Variants in UBN2 observed in about 807,000 individuals in gnomAD.
The protein encoded by UBN2 is ubinuclein 2, also known as ubinuclein-2.
A neutral mutation model predicts 120.2 loss-of-function variants in UBN2; 35 were observed. The observed-to-expected ratio is 0.29, with a 90% CI of 0.22 to 0.39. The LOEUF is 0.39. Ranked by LOEUF, UBN2 falls within the 10% of genes least tolerant of loss-of-function variation. The pLI is 1.00. For synonymous variants in UBN2, 661 were observed against 648.7 expected, an observed-to-expected ratio of 1.02 and a Z score of -0.29; for missense variants, 1,693 against 1,663.2, an observed-to-expected ratio of 1.02 and a Z score of -0.31.
chr7:139,328,670 A>C, the UBN2 span, among the ~76,000 whole-genome samples: 1 of 152,174 alleles, frequency 6.6e-6, no homozygotes, highest in African/African-American at 2.4e-5. Context: ...ATGAACCAGC[A>C]TCAGCATTAT....
Position 139,231,908 on chromosome 7 carries a change from G to C in UBN2, c.424G>C (p.Val142Leu). The stretch of plus-strand genomic sequence containing the variant: ...TAAGGACCCCACCGACGAGAGCTGC[G>C]TGGAGTTCAGTTACCCGGAGCTGCT... ...VLKDPTDESCVEFSYPELLLC... is the reference protein window; with the variant it reads ...VLKDPTDESCLEFSYPELLLC... Residue 142 changes from valine (V) to leucine (L), a missense_variant, in exon 1 of 18, where the codon GTG (valine) becomes CTG (leucine). Transcript: ENST00000473989. The C allele has an allele frequency of 6.3e-7, 1 of 1,588,504 alleles. No homozygotes were observed. The highest frequency in any genetic ancestry group is 1.1e-5 in the South Asian group (1 of 90,824).
At chr7:139,270,884 A>G (rs1438043466) in intron 8 of UBN2, among the ~76,000 whole-genome samples, 1 of 152,174 alleles carries the variant, frequency 6.6e-6, no homozygotes, top group Non-Finnish European at 1.5e-5. Flanking sequence ...AGCTGGGATT[A>G]CAGGCATGTG....
chr7:139,263,794 G>A (rs961298957), intron 6 of UBN2, among the ~76,000 whole-genome samples: 23 of 150,912 alleles, frequency 1.5e-4, no homozygotes, highest in Admixed American at 4.0e-4. Context: ...ATAGGAATAC[G>A]TGCTAATACA....
chr7:139,276,065 AAAT>A (rs1340719193), intron 11 of UBN2, 29 bp from the exon 12 acceptor site: 2 of 1,570,188 alleles, frequency 1.3e-6, no homozygotes, highest in African/African-American at 1.4e-5. Flanking sequence ...GCTATAAAGA[AAAT>A]AATAATTGTG....
At position 139,308,140 on chromosome 7, in the gene UBN2, T is replaced by C. The variant is rs547607081; in HGVS notation, c.*10304T>C. On this transcript the variant is annotated 3_prime_UTR_variant, in exon 18 of 18. Coordinates refer to ENST00000473989, the MANE Select transcript of UBN2 (RefSeq NM_173569.4). ...TTTGATTCAGTGTAGATGTTTCCTGTCTATCCTTTGTGACAGGGCCTTTTA... is the reference window on the plus strand; with the variant it reads ...TTTGATTCAGTGTAGATGTTTCCTGCCTATCCTTTGTGACAGGGCCTTTTA... 6.6e-6 allele frequency: 1 copy of C among 152,252 alleles called. No individual in the cohort carries two copies. Among genetic ancestry groups the C allele is most frequent in the Admixed American group, 6.5e-5 (1 of 15,292 alleles). The allele number at this position is 152,252 out of a possible 1,614,324, so 9.4% of individuals were successfully genotyped here. A position where few individuals can be genotyped will look rare whatever the true frequency, so the allele number is the denominator to read the frequency against.
intron 12 of UBN2, chr7:139,276,607 T>C (rs1465792242): frequency 6.2e-6 from 1 of 160,872 alleles, no homozygotes; most frequent in Admixed American, 6.2e-5. Flanking sequence ...ATTTCCTTAG[T>C]GATGTGATTA....
rs762970117 is a variant in UBN2 at position 139,301,194 on chromosome 7, T to C, written c.*3358T>C. 6.6e-6 allele frequency: 1 copy of C among 152,152 alleles called. No individual in the cohort carries two copies. Among genetic ancestry groups the C allele is most frequent in the Non-Finnish European group, 1.5e-5 (1 of 68,042 alleles). 9.4% of individuals were successfully genotyped at this position (152,152 alleles called of 1,614,324 possible). On this transcript the variant is annotated 3_prime_UTR_variant, in exon 18 of 18. Coordinates refer to ENST00000473989, the MANE Select transcript of UBN2 (RefSeq NM_173569.4). ...GGTAAGGGGAAGAACCGGGCACATA[T>C]GTGTTGGAATACTGTGGGTTTGACA... is the stretch of plus-strand genomic sequence containing the variant.
Position 139,261,574 on chromosome 7 carries a change from A to G in UBN2, c.1228A>G (p.Arg410Gly), listed in dbSNP as rs1796934378. Reference protein sequence around the residue: ...LEMLDDFDFDRLLDAASDGSP... With the variant: ...LEMLDDFDFDGLLDAASDGSP... ...GATGCTAGATGATTTTGACTTCGAC[A>G]GATTACTGGATGCTGCTTCTGATGG... Residue 410 changes from arginine (R) to glycine (G), a missense_variant, in exon 6 of 18, where the codon AGA (arginine) becomes GGA (glycine). Physicochemically the swap from Arg to Gly is moderately radical, Grantham distance 125. Coordinates refer to ENST00000473989, the MANE Select transcript of UBN2 (RefSeq NM_173569.4). 1.2e-6 allele frequency: 2 copies of G among 1,614,226 alleles called. No homozygotes were observed. The highest frequency in any genetic ancestry group is 1.7e-6 in the Non-Finnish European group (2 of 1,180,040).
At chr7:139,311,489 G>A (rs762051097), downstream of UBN2, among the ~76,000 whole-genome samples, 4 of 152,210 alleles carry the variant, frequency 2.6e-5, no homozygotes, top group Admixed American at 6.5e-5. Flanking sequence ...TAGACAAGAC[G>A]CTTTCCCTTT....
chr7:139,272,536 A>G (rs1226741903), intron 9 of UBN2, 96 bp downstream of exon 9: 3 of 855,530 alleles, frequency 3.5e-6, no homozygotes, highest in South Asian at 1.9e-5. Flanking sequence ...GTATGTATGT[A>G]TGTATTTTGA....
At chr7:139,275,662 C>T (rs1320437710) in intron 11 of UBN2, among the ~76,000 whole-genome samples, 1 of 152,076 alleles carries the variant, frequency 6.6e-6, no homozygotes, top group Non-Finnish European at 1.5e-5. Flanking sequence ...GCTCCATCTT[C>T]TATCAACAGA....
At chr7:139,271,022 TC>T (rs1465409168) in intron 8 of UBN2, among the ~76,000 whole-genome samples, 1 of 151,978 alleles carries the variant, frequency 6.6e-6, no homozygotes, top group East Asian at 2.0e-4. Flanking sequence ...CCTCAGGTGA[TC>T]TGCCTGCCTT....
intron 15 of UBN2, among the ~76,000 whole-genome samples, chr7:139,288,244 A>G (rs1797846319): frequency 1.3e-5 from 2 of 152,204 alleles, no homozygotes; most frequent in South Asian, 4.1e-4. Flanking sequence ...AGTTTTTTCA[A>G]AATGTGGTAA....
At chr7:139,252,136 A>G (rs1796639478) in intron 3 of UBN2, 79 bp downstream of exon 3, 6 of 1,141,952 alleles carry the variant, frequency 5.3e-6, no homozygotes, top group African/African-American at 1.5e-5. Flanking sequence ...AGTAACTTAA[A>G]TAGTGCAGTG....
chr7:139,242,237 C>T lies in UBN2; in HGVS notation c.561+5140C>T, dbSNP rs58061479. ...GATACCAAGTAGTTAGTTTTGAAAG[C>T]ATTTGTGTACTGTTTCTGGGAGTTG... On this transcript the variant is annotated intron_variant, in intron 2 of 17. Coordinates refer to ENST00000473989, the MANE Select transcript of UBN2 (RefSeq NM_173569.4). Among the ~76,000 whole-genome samples, 467 of 152,236 alleles carry T rather than the reference C, an allele frequency of 3.1e-3. 6 individuals are homozygous for T. In the East Asian group the frequency reaches 0.038, roughly 13 times the overall value.
At chr7:139,291,645 G>A (rs1057035994) in intron 15 of UBN2, among the ~76,000 whole-genome samples, 12 of 152,038 alleles carry the variant, frequency 7.9e-5, no homozygotes, top group African/African-American at 2.7e-4. Context: ...GAGCCCAGAA[G>A]TTGGAGGCTA....
intron 15 of UBN2, among the ~76,000 whole-genome samples, chr7:139,287,622 T>A (rs1260597038): frequency 6.6e-6 from 1 of 151,966 alleles, no homozygotes; most frequent in Admixed American, 6.6e-5. Flanking sequence ...CTCTCCCAAA[T>A]GGCTTTATGA....
intron 12 of UBN2, chr7:139,277,356 T>G (rs1012741129): frequency 3.3e-5 from 5 of 152,344 alleles, no homozygotes; most frequent in Admixed American, 3.3e-4. Flanking sequence ...ACTTCACTGC[T>G]AGTAGTCTAC....
At chr7:139,236,271 A>G (rs1796160928) in intron 1 of UBN2, among the ~76,000 whole-genome samples, 1 of 152,234 alleles carries the variant, frequency 6.6e-6, no homozygotes, top group East Asian at 1.9e-4. Flanking sequence ...GAAGAAAGGC[A>G]TGGTAATGTA....
Sources: allele counts gnomAD v4.1 joint callset (sites outside exome capture counted in the v4.1 genomes callset), GRCh38; gene constraint gnomAD v4.1.1; transcripts MANE v1.5; gene names NCBI Gene and HGNC (gene_info 2026-07-23, HGNC 2026-07-21).